The following ACSM2B variants were observed in gnomAD, a reference collection of about 807,000 sequenced individuals.
ACSM2B encodes acyl-CoA synthetase medium chain family member 2B, also known as acyl-coenzyme A synthetase ACSM2B, mitochondrial.
A neutral mutation model predicts 78.6 loss-of-function variants in ACSM2B; 58 were observed. That is an observed-to-expected ratio of 0.74 (90% CI 0.60 to 0.92). ACSM2B has a LOEUF of 0.92. Ranked by LOEUF, ACSM2B falls within the 40% of genes least tolerant of loss-of-function variation. The pLI, the probability that ACSM2B is intolerant of heterozygous loss-of-function variation, is 0.00. For missense variants in ACSM2B, 688 were observed against 711.2 expected (o/e 0.97, Z 0.37); for synonymous variants, 257 against 256.8 (o/e 1.00, Z -0.01).
intron 3 of ACSM2B, among the ~76,000 whole-genome samples, chr16:20,556,531 G>A (rs1464768097): frequency 6.6e-6 from 1 of 152,180 alleles, no homozygotes; most frequent in Non-Finnish European, 1.5e-5. Context: ...GAACCTGGGA[G>A]GCAAAGGTTG....
At position 20,540,231 on chromosome 16, in the gene ACSM2B, T is replaced by G. The variant is rs546142817; in HGVS notation, c.1629+423A>C. Among the ~76,000 whole-genome samples the G allele has an allele frequency of 1.6e-3, 137 of 87,996 alleles. 2 individuals carry two copies. In the South Asian group the frequency reaches 0.029, roughly 19 times the overall value. The allele number at this position is 87,996 out of a possible 152,430, so 57.7% of individuals were successfully genotyped here. On this transcript the variant is annotated intron_variant, in intron 13 of 13. Coordinates refer to ENST00000329697, the MANE Select transcript of ACSM2B (RefSeq NM_001105069.2). ...AAGAGTTGTTTTTTTTTTGTTTTTT[T>G]TTTTTGTTTGTTTGTTTGGTTTTTT...
chr16:20,572,972 G>C (rs982562325), intron 1 of ACSM2B, among the ~76,000 whole-genome samples: 13 of 126,124 alleles, frequency 1.0e-4, no homozygotes, highest in African/African-American at 1.9e-4. Context: ...CTCATAACTT[G>C]TATTTTTTTT....
chr16:20,575,108 G>T (rs897993628), intron 1 of ACSM2B, among the ~76,000 whole-genome samples: 1 of 151,664 alleles, frequency 6.6e-6, no homozygotes, highest in Non-Finnish European at 1.5e-5. Context: ...TAGAATTAGA[G>T]TCCTTAGTAT....
intron 2 of ACSM2B, 85 bp from the exon 3 acceptor site, chr16:20,559,532 G>A (rs2015583067): frequency 2.0e-6 from 3 of 1,505,422 alleles, no homozygotes; most frequent in East Asian, 2.4e-5. Context: ...TTGCCAAGCT[G>A]GTGCTTAGTA....
chr16:20,537,090 A>T lies in ACSM2B; in HGVS notation c.*168T>A. 6.7e-6 allele frequency: 5 copies of T among 750,304 alleles called. No homozygotes were observed. The South Asian group carries it at 7.0e-5, about 11-fold the overall frequency. 46.5% of individuals were successfully genotyped at this position (750,304 alleles called of 1,614,324 possible). ...CTCTCTCTCATTCCTTCCCTTTCTT[A>T]TTTCAATATCTAACATAGTAATGTT... On this transcript the variant is annotated 3_prime_UTR_variant, in exon 14 of 14. Coordinates refer to ENST00000329697, the MANE Select transcript of ACSM2B (RefSeq NM_001105069.2).
Position 20,537,257 on chromosome 16 carries a change from C to T in ACSM2B, c.*1G>A, listed in dbSNP as rs1214992024. On this transcript the variant is annotated 3_prime_UTR_variant, in exon 14 of 14. Transcript: ENST00000329697. ...ATCCAAATGAATGTCTCCTAGACGC[C>T]TCACTGCGCACGGGCTTTTCCGGAC... 1 of 1,613,860 alleles carries T rather than the reference C, an allele frequency of 6.2e-7. No individual in the cohort carries two copies. The highest frequency in any genetic ancestry group is 1.3e-5 in the African/African-American group (1 of 74,916).
chr16:20,540,014 T>A (rs111896566), intron 13 of ACSM2B, among the ~76,000 whole-genome samples: 9,084 of 152,210 alleles, frequency 0.06, 383 homozygotes, highest in East Asian at 0.19. Context: ...CACTTGCAAC[T>A]GAGCGTTGCA....
rs1396993402 is a variant in ACSM2B, at chr16:20,566,797, T to C, written c.-8-1944A>G. Among the ~76,000 whole-genome samples, 6 of 102,022 alleles carry C rather than the reference T, an allele frequency of 5.9e-5. No individual in the cohort carries two copies. In the South Asian group the frequency reaches 8.3e-4, roughly 14 times the overall value. The allele number at this position is 102,022 out of a possible 152,430, so 66.9% of individuals were successfully genotyped here. A position where few individuals can be genotyped will look rare whatever the true frequency, so the allele number is the denominator to read the frequency against. On this transcript the variant is annotated intron_variant, in intron 1 of 13. Transcript: ENST00000329697. ...TATAGATACAATATTTTGAAATATATAATATATAATTTTTATACATTTTTA... is the reference window on the plus strand; with the variant it reads ...TATAGATACAATATTTTGAAATATACAATATATAATTTTTATACATTTTTA...
At chr16:20,549,385 G>A (rs1314931256) in intron 6 of ACSM2B, among the ~76,000 whole-genome samples, 1 of 152,092 alleles carries the variant, frequency 6.6e-6, no homozygotes, top group South Asian at 2.1e-4. Context: ...TGGGGACTCT[G>A]CAGAGTCCCA....
intron 9 of ACSM2B, among the ~76,000 whole-genome samples, chr16:20,546,025 G>T (rs1478005683): frequency 6.6e-6 from 1 of 152,082 alleles, no homozygotes; most frequent in Admixed American, 6.5e-5. Context: ...TCATGCTGCA[G>T]GTTGGCATTA....
intron 1 of ACSM2B, among the ~76,000 whole-genome samples, chr16:20,566,761 A>C (rs1180130566): frequency 1.1e-5 from 1 of 88,232 alleles, no homozygotes; most frequent in African/African-American, 4.8e-5. Flanking sequence ...TATATATAGT[A>C]TATATAGATA....
intron 2 of ACSM2B, among the ~76,000 whole-genome samples, chr16:20,562,994 A>T (rs1490339741): frequency 6.6e-6 from 1 of 152,106 alleles, no homozygotes; most frequent in Non-Finnish European, 1.5e-5. Flanking sequence ...CATCTCTATA[A>T]TTCCATTCCC....
At chr16:20,570,542 T>C (rs566205983) in intron 1 of ACSM2B, among the ~76,000 whole-genome samples, 1 of 151,942 alleles carries the variant, frequency 6.6e-6, no homozygotes, top group East Asian at 1.9e-4. Flanking sequence ...TACATCCTTT[T>C]CTGGTTTGGG....
chr16:20,559,181 C>T (rs2015564518), intron 3 of ACSM2B, 56 bp downstream of exon 3: 5 of 1,506,750 alleles, frequency 3.3e-6, no homozygotes, highest in South Asian at 1.3e-5. Context: ...CATTTCTCTG[C>T]TATCAGTTTT....
intron 12 of ACSM2B, chr16:20,541,172 T>G (rs60396357): frequency 0.79 from 132,178 of 167,404 alleles, 52,797 homozygotes; most frequent in Non-Finnish European, 0.82. Flanking sequence ...TTATGGTAAC[T>G]AAAATGAAAT....
chr16:20,562,013 T>C (rs1340363108), intron 2 of ACSM2B, among the ~76,000 whole-genome samples: 2 of 151,808 alleles, frequency 1.3e-5, no homozygotes, highest in Non-Finnish European at 2.9e-5. Context: ...TGGTTTATTT[T>C]TTGTCTATTT....
intron 12 of ACSM2B, among the ~76,000 whole-genome samples, chr16:20,541,500 T>A (rs2014987553): frequency 6.6e-6 from 1 of 152,026 alleles, no homozygotes; most frequent in African/African-American, 2.4e-5. Flanking sequence ...AGGGGCTCTA[T>A]CCTTTGGCTC....
At chr16:20,576,112 G>T (rs1489316597) in intron 1 of ACSM2B, 95 bp downstream of exon 1, 2 of 149,798 alleles carry the variant, frequency 1.3e-5, no homozygotes, top group African/African-American at 5.0e-5. Context: ...TTTCTGTGAG[G>T]ATTTTTGCTC....
chr16:20,572,402 C>T (rs1278751055), intron 1 of ACSM2B, among the ~76,000 whole-genome samples: 7 of 138,976 alleles, frequency 5.0e-5, no homozygotes, highest in Non-Finnish European at 9.0e-5. Flanking sequence ...AAGATAGGGC[C>T]CCAATCCCTT....
Sources: gnomAD v4.1 joint callset for allele counts (sites outside exome capture counted in the v4.1 genomes callset) on GRCh38, gnomAD v4.1.1 for gene constraint, MANE v1.5 for transcripts, NCBI Gene and HGNC (gene_info 2026-07-23, HGNC 2026-07-21) for gene names.